The following PCDHA12 variants were observed in gnomAD, a reference collection of about 807,000 sequenced individuals.
The protein encoded by PCDHA12 is protocadherin alpha-12.
PCDHA12 carries 44 observed loss-of-function variants against 60.0 expected under a neutral mutation model. That is an observed-to-expected ratio of 0.73 (90% confidence interval 0.58 to 0.94). PCDHA12 has a LOEUF of 0.94. Ranked by LOEUF, PCDHA12 falls within the 40% of genes least tolerant of loss-of-function variation. The pLI, the probability that PCDHA12 is intolerant of heterozygous loss-of-function variation, is 0.00. For synonymous variants in PCDHA12, 569 were observed against 553.0 expected, an observed-to-expected ratio of 1.03 and a Z score of -0.40; for missense variants, 1,276 against 1,239.7, an observed-to-expected ratio of 1.03 and a Z score of -0.44.
chr5:140,884,057 G>A (rs141156800), intron 1 of PCDHA12: 6 of 1,613,540 alleles, frequency 3.7e-6, no homozygotes, highest in Non-Finnish European at 5.1e-6. Context: ...GGTGCGCGCG[G>A]TGGACGCCGA....
intron 1 of PCDHA12, among the ~76,000 whole-genome samples, chr5:140,921,809 C>CA (rs1184598188): frequency 6.6e-6 from 1 of 151,940 alleles, no homozygotes; most frequent in Non-Finnish European, 1.5e-5. Context: ...AGATAAGATA[C>CA]ATGTGTGAAT....
chr5:140,926,778 A>G, intron 1 of PCDHA12: 1 of 1,393,042 alleles, frequency 7.2e-7, no homozygotes, highest in East Asian at 2.6e-5. Context: ...CGCAGCAGTG[A>G]CGGCCGGCAG....
intron 3 of PCDHA12, among the ~76,000 whole-genome samples, chr5:140,987,213 C>CAA (rs58319157): frequency 8.4e-5 from 10 of 118,874 alleles, no homozygotes; most frequent in Non-Finnish European, 1.2e-4. Flanking sequence ...GACTCCATCT[C>CAA]AAAAAAAAAA....
intron 1 of PCDHA12, among the ~76,000 whole-genome samples, chr5:140,931,894 A>G (rs1242530874): frequency 1.3e-5 from 2 of 151,966 alleles, no homozygotes; most frequent in African/African-American, 4.8e-5. Flanking sequence ...TTTTATTTCA[A>G]ATCATTTGAA....
chr5:140,998,438 A>T (rs114296649), intron 3 of PCDHA12, among the ~76,000 whole-genome samples: 1,585 of 152,188 alleles, frequency 0.01, 12 homozygotes, highest in Middle Eastern at 0.058. Flanking sequence ...TAACACTATT[A>T]TTGTATTTAT....
chr5:140,922,072 A>G (rs1390677282), intron 1 of PCDHA12, among the ~76,000 whole-genome samples: 1 of 152,198 alleles, frequency 6.6e-6, no homozygotes. Flanking sequence ...AATCCCACTA[A>G]GCAAAAAGTG....
intron 1 of PCDHA12, among the ~76,000 whole-genome samples, chr5:140,939,338 G>A (rs2092369072): frequency 6.6e-6 from 1 of 152,116 alleles, no homozygotes; most frequent in South Asian, 2.1e-4. Context: ...TTAGGGGTTA[G>A]CATTTCAACT....
intron 1 of PCDHA12, among the ~76,000 whole-genome samples, chr5:140,964,454 T>G (rs1392277569): frequency 6.6e-6 from 1 of 152,132 alleles, no homozygotes. Flanking sequence ...CTGTAATCTC[T>G]TCCTTAAGTG....
At chr5:140,986,044 G>A (rs1261726247) in intron 3 of PCDHA12, among the ~76,000 whole-genome samples, 4 of 152,078 alleles carry the variant, frequency 2.6e-5, no homozygotes, top group African/African-American at 9.7e-5. Flanking sequence ...TGGCCTCACT[G>A]ATGAATTCTT....
intron 3 of PCDHA12, among the ~76,000 whole-genome samples, chr5:140,985,770 C>T (rs1456292041): frequency 1.5e-5 from 2 of 132,222 alleles, no homozygotes; most frequent in African/African-American, 2.8e-5. Flanking sequence ...GAGACAGTCT[C>T]GCTCTGTCGC....
Position 140,876,689 on chromosome 5 carries a change from C to T in PCDHA12, c.1217C>T (p.Ser406Leu). 1.2e-6 allele frequency: 2 copies of T among 1,614,228 alleles called. No homozygotes were observed. The highest frequency in any genetic ancestry group is 1.6e-4 in the Middle Eastern group (1 of 6,062). ...KLVSTYKNYY[S>L]LVLDSALDRE... ...GTGTCCACCTACAAGAATTACTACT[C>T]GTTGGTGCTGGACAGCGCCCTGGAC... Residue 406 changes from serine to leucine, a missense_variant, in exon 1 of 4, where the codon TCG (serine) becomes TTG (leucine). Ser to Leu is a moderately radical substitution (Grantham distance 145). Coordinates refer to ENST00000398631, the MANE Select transcript of PCDHA12 (RefSeq NM_018903.4).
At chr5:140,944,617 G>A (rs374007868) in intron 1 of PCDHA12, among the ~76,000 whole-genome samples, 6 of 152,192 alleles carry the variant, frequency 3.9e-5, no homozygotes, top group African/African-American at 1.4e-4. Flanking sequence ...TGCTGTAGAA[G>A]TATAGTGTTG....
At chr5:140,966,755 C>A in intron 1 of PCDHA12, 1 of 1,434,520 alleles carries the variant, frequency 7.0e-7, no homozygotes, top group South Asian at 1.5e-5. Context: ...GCCTCCGCCG[C>A]GGCCAGTGGC....
chr5:140,877,969 A>G (rs2057419330), intron 1 of PCDHA12, 130 bp downstream of exon 1: 1 of 1,276,842 alleles, frequency 7.8e-7, no homozygotes, highest in African/African-American at 1.5e-5. Flanking sequence ...TTTCTTGGTC[A>G]TTCTTACTCA....
At position 140,877,772 on chromosome 5, in the gene PCDHA12, C is replaced by A. The variant is rs372461540; in HGVS notation, c.2300C>A (p.Thr767Lys). The change falls in exon 1 of 4, where the codon ACG becomes AAG. Residue 767 changes from threonine (T) to lysine (K), a missense_variant. Transcript: ENST00000398631. Reference sequence around the variant, plus strand: ...TGCTCTGCAGAGAGCCCGCCCAAGACGGACCTCATGGCCTTCAGCCCAAGC... The same window carrying A: ...TGCTCTGCAGAGAGCCCGCCCAAGAAGGACCTCATGGCCTTCAGCCCAAGC... ...RVCSAESPPK[T>K]DLMAFSPSLQ... The A allele has an allele frequency of 1.2e-6, 2 of 1,614,152 alleles. No homozygotes were observed. Among genetic ancestry groups the A allele is most frequent in the Non-Finnish European group, 1.7e-6 (2 of 1,180,020 alleles).
At chr5:140,968,463 A>G (rs1012242019) in intron 1 of PCDHA12, 6 of 1,613,994 alleles carry the variant, frequency 3.7e-6, no homozygotes, top group Middle Eastern at 1.6e-4. Context: ...GTGACTGCCA[A>G]CGTATATGTG....
At chr5:141,000,079 G>A (rs1233130123) in intron 3 of PCDHA12, among the ~76,000 whole-genome samples, 2 of 152,102 alleles carry the variant, frequency 1.3e-5, no homozygotes, top group Non-Finnish European at 2.9e-5. Flanking sequence ...CACAATGCTA[G>A]GCCTGTGAAT....
At chr5:140,895,660 A>G (rs2065094898) in intron 1 of PCDHA12, among the ~76,000 whole-genome samples, 6 of 152,160 alleles carry the variant, frequency 3.9e-5, no homozygotes, top group Admixed American at 3.9e-4. Context: ...CTTATAAGTG[A>G]GAACATGTAG....
At chr5:140,975,523 A>T (rs1275717294) in intron 1 of PCDHA12, among the ~76,000 whole-genome samples, 1 of 152,196 alleles carries the variant, frequency 6.6e-6, no homozygotes, top group African/African-American at 2.4e-5. Flanking sequence ...TCTGCAGTGG[A>T]TATATTCTTA....
Sources: gnomAD v4.1 joint callset for allele counts (sites outside exome capture counted in the v4.1 genomes callset) on GRCh38, gnomAD v4.1.1 for gene constraint, MANE v1.5 for transcripts, NCBI Gene and HGNC (gene_info 2026-07-23, HGNC 2026-07-21) for gene names.